PTPRT: variants seen among roughly 807,000 people sequenced by gnomAD.
PTPRT encodes receptor-type tyrosine-protein phosphatase T.
A neutral mutation model predicts 176.8 loss-of-function variants in PTPRT; 56 were observed. The observed-to-expected ratio is 0.32, with a 90% confidence interval of 0.26 to 0.40. PTPRT has a LOEUF of 0.40. PTPRT is among the 10% of genes least tolerant of loss of function. PTPRT has a pLI of 1.00. For synonymous variants in PTPRT, 783 were observed against 739.0 expected (o/e 1.06, Z -0.96); for missense variants, 1,540 against 1,908.2 (o/e 0.81, Z 3.60).
chr20:42,345,167 T>C (rs1482116632), intron 11 of PTPRT, among the ~76,000 whole-genome samples: 1 of 152,068 alleles, frequency 6.6e-6, no homozygotes. Context: ...CACATATGGC[T>C]CCTGAAATTT....
intron 2 of PTPRT, among the ~76,000 whole-genome samples, chr20:42,820,056 G>T (rs1416260859): frequency 6.6e-6 from 1 of 152,160 alleles, no homozygotes; most frequent in African/African-American, 2.4e-5. Flanking sequence ...CTCAGCTCTG[G>T]ATCAAGTGGA....
At chr20:43,043,548 CAG>C (rs1986719570) in intron 1 of PTPRT, among the ~76,000 whole-genome samples, 1 of 152,160 alleles carries the variant, frequency 6.6e-6, no homozygotes, top group African/African-American at 2.4e-5. Flanking sequence ...AATCAGGTCT[CAG>C]AGAGCAGAAC....
chr20:42,781,118 C>T (rs2077209065), intron 3 of PTPRT, among the ~76,000 whole-genome samples: 1 of 152,138 alleles, frequency 6.6e-6, no homozygotes, highest in African/African-American at 2.4e-5. Flanking sequence ...TTGACCTGCT[C>T]CTCAGGCTCA....
At chr20:42,338,369 A>G (rs2058068756) in intron 11 of PTPRT, among the ~76,000 whole-genome samples, 1 of 152,182 alleles carries the variant, frequency 6.6e-6, no homozygotes, top group South Asian at 2.1e-4. Context: ...TGGAGAGGCC[A>G]ATGAGAGAAC....
At chr20:43,045,023 G>A (rs1218234432) in intron 1 of PTPRT, among the ~76,000 whole-genome samples, 3 of 152,190 alleles carry the variant, frequency 2.0e-5, no homozygotes, top group African/African-American at 4.8e-5. Context: ...ACTGTAAGAC[G>A]GGCAGGCAGG....
Position 42,648,870 on chromosome 20 carries a change from G to C in PTPRT, c.1153+28996C>G, listed in dbSNP as rs188281894. Among the ~76,000 whole-genome samples, 375 of 143,370 alleles carry C rather than the reference G, an allele frequency of 2.6e-3. 9 individuals are homozygous for C. The highest frequency in any genetic ancestry group is 8.3e-4 in the Non-Finnish European group (56 of 67,148). 94.1% of individuals were successfully genotyped at this position (143,370 alleles called of 152,430 possible). Reference sequence around the variant, plus strand: ...GTCTGGCTCTGTCGCCCAGGCTGGAGTGCAGTGGTGTAATCTCAGCTCACT... The same window carrying C: ...GTCTGGCTCTGTCGCCCAGGCTGGACTGCAGTGGTGTAATCTCAGCTCACT... On this transcript the variant is annotated intron_variant, in intron 7 of 30. Coordinates refer to ENST00000373187, the MANE Select transcript of PTPRT (RefSeq NM_007050.6).
chr20:42,397,421 A>T (rs1455021029), intron 9 of PTPRT, among the ~76,000 whole-genome samples: 1 of 152,172 alleles, frequency 6.6e-6, no homozygotes, highest in Non-Finnish European at 1.5e-5. Context: ...TGTAGTACCC[A>T]ATAGGTAGTT....
chr20:42,876,742 A>C lies in PTPRT; in HGVS notation c.214+9065T>G, dbSNP rs533700592. Among the ~76,000 whole-genome samples, 15 of 152,322 alleles carry C rather than the reference A, an allele frequency of 9.8e-5. No individual in the cohort carries two copies. The South Asian group carries it at 3.1e-3, about 32-fold the overall frequency. On this transcript the variant is annotated intron_variant, in intron 2 of 30. Transcript: ENST00000373187. ...TTAACAATAATTCAGTTATTTTTAAATAACCGCCTTCCTTATTCCAGGCCC... is the reference window on the plus strand; with the variant it reads ...TTAACAATAATTCAGTTATTTTTAACTAACCGCCTTCCTTATTCCAGGCCC...
At chr20:42,421,622 A>G (rs1332249316) in intron 9 of PTPRT, among the ~76,000 whole-genome samples, 2 of 152,126 alleles carry the variant, frequency 1.3e-5, no homozygotes, top group Non-Finnish European at 2.9e-5. Context: ...TAAAATTGCC[A>G]TACTACCCAA....
intron 13 of PTPRT, among the ~76,000 whole-genome samples, chr20:42,274,374 T>C (rs1008576448): frequency 1.3e-5 from 2 of 152,122 alleles, no homozygotes; most frequent in Non-Finnish European, 2.9e-5. Context: ...CTACTGGGAG[T>C]TGGGTATTAG....
At chr20:42,877,647 C>A (rs2078955593) in intron 2 of PTPRT, among the ~76,000 whole-genome samples, 1 of 152,158 alleles carries the variant, frequency 6.6e-6, no homozygotes. Context: ...ACCTACTAAG[C>A]CCCAGCATTG....
intron 7 of PTPRT, among the ~76,000 whole-genome samples, chr20:42,601,393 C>T (rs932969110): frequency 2.6e-5 from 4 of 152,152 alleles, no homozygotes; most frequent in Non-Finnish European, 4.4e-5. Flanking sequence ...GCTTTGTAGG[C>T]CATCAAGCAT....
In PTPRT at chr20:43,140,443, A is replaced by AGTGT. The variant is rs6147356; in HGVS notation, c.88+49199_88+49202dup. On this transcript the variant is annotated intron_variant, in intron 1 of 30. Transcript: ENST00000373187. The stretch of plus-strand genomic sequence containing the variant: ...GACAAGAGTTAGCAAACCTCTGGGT[A>AGTGT]GTGTGTGTGTGTGTGTGTGTGTGTG... Among the ~76,000 whole-genome samples the AGTGT allele has an allele frequency of 1.6e-3, 241 of 146,952 alleles. 1 individual carries two copies. The highest frequency in any genetic ancestry group is 6.1e-3 in the African/African-American group (239 of 38,890).
At chr20:43,059,549 C>T (rs759095293) in intron 1 of PTPRT, among the ~76,000 whole-genome samples, 5 of 152,204 alleles carry the variant, frequency 3.3e-5, no homozygotes, top group Non-Finnish European at 5.9e-5. Context: ...CCAACTGAGA[C>T]CTCAGCAGAA....
chr20:42,878,961 G>A lies in PTPRT; in HGVS notation c.214+6846C>T, dbSNP rs558168718. 1.5e-4 allele frequency among the ~76,000 whole-genome samples: 23 copies of A among 152,204 alleles called. 1 individual carries two copies. The South Asian group carries it at 3.7e-3, about 25-fold the overall frequency. ...GGAGAATGGCGTGAATCTGGGAGGC[G>A]GAGCTTGCAGTGAGCCGAGATCGTG... On this transcript the variant is annotated intron_variant, in intron 2 of 30. Coordinates refer to ENST00000373187, the MANE Select transcript of PTPRT (RefSeq NM_007050.6).
intron 7 of PTPRT, among the ~76,000 whole-genome samples, chr20:42,546,596 G>A (rs986123320): frequency 3.3e-5 from 5 of 152,114 alleles, no homozygotes; most frequent in African/African-American, 9.7e-5. Flanking sequence ...GTCCAGCTTG[G>A]TGCCTGTCTG....
chr20:42,939,417 T>G (rs1043232126), intron 1 of PTPRT, among the ~76,000 whole-genome samples: 21 of 152,206 alleles, frequency 1.4e-4, no homozygotes, highest in African/African-American at 4.3e-4. Context: ...GTATTTCTGT[T>G]AGACTGAGAG....
chr20:42,744,922 G>A (rs1449240968), intron 6 of PTPRT, among the ~76,000 whole-genome samples: 2 of 152,226 alleles, frequency 1.3e-5, no homozygotes, highest in African/African-American at 4.8e-5. Context: ...CTGGGAATGA[G>A]GTCCGTGGTT....
intron 7 of PTPRT, among the ~76,000 whole-genome samples, chr20:42,540,438 G>A (rs1180533062): frequency 6.6e-6 from 1 of 152,108 alleles, no homozygotes; most frequent in Non-Finnish European, 1.5e-5. Flanking sequence ...GGCAATAGGA[G>A]CAGGAATACA....
Sources: gnomAD v4.1 joint callset for allele counts (sites outside exome capture counted in the v4.1 genomes callset) on GRCh38, gnomAD v4.1.1 for gene constraint, MANE v1.5 for transcripts, NCBI Gene and HGNC (gene_info 2026-07-23, HGNC 2026-07-21) for gene names.